The following STX8 variants were observed in gnomAD, a reference collection of about 807,000 sequenced individuals.
STX8 encodes the protein syntaxin 8.
Under a neutral mutation model 37.5 loss-of-function variants are expected in STX8, and 23 were observed. That is an observed-to-expected ratio of 0.61 (90% CI 0.44 to 0.87). The LOEUF (loss-of-function observed/expected upper bound fraction) is 0.87. Ranked by LOEUF, STX8 falls within the 40% of genes least tolerant of loss-of-function variation. STX8 has a pLI of 0.00. For missense variants in STX8, 313 were observed against 284.7 expected (o/e 1.10, Z -0.71); for synonymous variants, 115 against 99.1 (o/e 1.16, Z -0.95).
chr17:9,515,601 C>T (rs1289149170), intron 4 of STX8, among the ~76,000 whole-genome samples: 4 of 152,220 alleles, frequency 2.6e-5, no homozygotes, highest in Non-Finnish European at 5.9e-5. Context: ...TCTCTCACCA[C>T]ACCCTTGACC....
At chr17:9,457,916 G>T (rs535924671) in intron 6 of STX8, among the ~76,000 whole-genome samples, 2 of 152,180 alleles carry the variant, frequency 1.3e-5, no homozygotes, top group Non-Finnish European at 2.9e-5. Flanking sequence ...CACTGTGATT[G>T]GCATAGGATA....
At chr17:9,259,042 T>C (rs1350540987) in intron 7 of STX8, among the ~76,000 whole-genome samples, 2 of 142,022 alleles carry the variant, frequency 1.4e-5, no homozygotes, top group Non-Finnish European at 3.2e-5. Context: ...CCTCAGGCCA[T>C]AGAATCTCCA....
At chr17:9,431,098 C>T (rs1913950410) in intron 6 of STX8, among the ~76,000 whole-genome samples, 2 of 151,696 alleles carry the variant, frequency 1.3e-5, no homozygotes, top group East Asian at 3.9e-4. Flanking sequence ...CCTCGTGATC[C>T]ACCTGCCTTG....
chr17:9,457,771 C>T (rs4791838), intron 6 of STX8, among the ~76,000 whole-genome samples: 89,454 of 152,158 alleles, frequency 0.59, 27,424 homozygotes, highest in East Asian at 0.82. Flanking sequence ...AGGTGAGACA[C>T]CTCTTTCTGG....
At chr17:9,430,258 G>T (rs1284839541) in intron 6 of STX8, among the ~76,000 whole-genome samples, 1 of 127,228 alleles carries the variant, frequency 7.9e-6, no homozygotes, top group Non-Finnish European at 1.7e-5. Flanking sequence ...CCATTTTAAA[G>T]TATATAATTC....
chr17:9,349,381 C>T (rs1328952253), intron 7 of STX8, among the ~76,000 whole-genome samples: 5 of 135,094 alleles, frequency 3.7e-5, no homozygotes, highest in Admixed American at 8.3e-5. Context: ...AGTGCAGTGG[C>T]GCAATCTCGC....
intron 6 of STX8, among the ~76,000 whole-genome samples, chr17:9,407,689 G>A (rs1912848187): frequency 6.6e-6 from 1 of 152,004 alleles, no homozygotes; most frequent in Admixed American, 6.6e-5. Flanking sequence ...GGGTTGGAGG[G>A]GGCGGGACAG....
intron 7 of STX8, among the ~76,000 whole-genome samples, chr17:9,312,005 G>A (rs776267740): frequency 9.2e-5 from 14 of 151,582 alleles, no homozygotes; most frequent in Non-Finnish European, 1.6e-4. Context: ...CCGCCATTAT[G>A]CCCAGCTAAT....
rs142840481 is a variant in STX8 at position 9,355,672 on chromosome 17, G to A, written c.643+22880C>T. On this transcript the variant is annotated intron_variant, in intron 7 of 7. Coordinates refer to ENST00000306357, the MANE Select transcript of STX8 (RefSeq NM_004853.3). ...TTACAGGCGCGCTCCACCACTCCTG[G>A]CTAATTTTTGTATTTTTAGTAGAGA... 2.5e-3 allele frequency among the ~76,000 whole-genome samples: 382 copies of A among 152,068 alleles called. 2 individuals are homozygous for A. Among genetic ancestry groups the A allele is most frequent in the African/African-American group, 8.6e-3 (356 of 41,486 alleles).
At chr17:9,325,373 G>C (rs1909718965) in intron 7 of STX8, among the ~76,000 whole-genome samples, 1 of 152,106 alleles carries the variant, frequency 6.6e-6, no homozygotes, top group Non-Finnish European at 1.5e-5. Flanking sequence ...GGTATGTATA[G>C]TGTATGAATG....
chr17:9,291,425 G>A (rs1285417451), intron 7 of STX8, among the ~76,000 whole-genome samples: 1 of 145,940 alleles, frequency 6.9e-6, no homozygotes, highest in Non-Finnish European at 1.5e-5. Context: ...TGGGCGATGG[G>A]AGTGAGACTC....
chr17:9,382,967 G>A (rs1452625789), intron 6 of STX8, among the ~76,000 whole-genome samples: 1 of 152,172 alleles, frequency 6.6e-6, no homozygotes, highest in Non-Finnish European at 1.5e-5. Flanking sequence ...GGAGGTGAAT[G>A]GTGATGAGAG....
At chr17:9,421,350 C>G (rs1292261978) in intron 6 of STX8, among the ~76,000 whole-genome samples, 1 of 145,534 alleles carries the variant, frequency 6.9e-6, no homozygotes, top group Non-Finnish European at 1.5e-5. Context: ...CGGGATGGAG[C>G]CACTGCACTC....
intron 7 of STX8, among the ~76,000 whole-genome samples, chr17:9,360,227 C>CTTTTTTTTTTTTTTTTTT (rs58213453): frequency 4.1e-5 from 3 of 72,610 alleles, no homozygotes; most frequent in African/African-American, 1.6e-4. Context: ...AATTAACCGT[C>CTTTTTTTTTTTTTTTTTT]TTTTTTTTTT....
chr17:9,294,284 T>C (rs1229780397), intron 7 of STX8, among the ~76,000 whole-genome samples: 1 of 152,188 alleles, frequency 6.6e-6, no homozygotes, highest in East Asian at 1.9e-4. Context: ...CTGGAAGGCC[T>C]AATGGTGATA....
intron 6 of STX8, among the ~76,000 whole-genome samples, chr17:9,397,711 C>G (rs1444310708): frequency 2.6e-5 from 4 of 152,068 alleles, no homozygotes; most frequent in African/African-American, 7.2e-5. Context: ...CACGGTAGCT[C>G]ACACCTGTAA....
At chr17:9,557,371 TC>T in intron 3 of STX8, 62 bp downstream of exon 3, 4 of 1,461,756 alleles carry the variant, frequency 2.7e-6, no homozygotes, top group Non-Finnish European at 3.8e-6. Flanking sequence ...TTCCTTCCTT[TC>T]TTAAAATACG....
At chr17:9,548,007 G>C (rs1906616280) in intron 3 of STX8, among the ~76,000 whole-genome samples, 1 of 151,850 alleles carries the variant, frequency 6.6e-6, no homozygotes, top group Non-Finnish European at 1.5e-5. Context: ...TGGCCAGGCT[G>C]GTCTCAAACT....
Position 9,501,102 on chromosome 17 carries a change from G to C in STX8, c.448+3936C>G, listed in dbSNP as rs79227061. 3.3e-3 allele frequency among the ~76,000 whole-genome samples: 502 copies of C among 152,294 alleles called. 7 individuals carry two copies. Among genetic ancestry groups the C allele is most frequent in the African/African-American group, 0.012 (481 of 41,572 alleles). ...CAAAAACTAAAAGGCATTGCTGAGA[G>C]AATTTGAGACTCAATAGTGTTAAAA... On this transcript the variant is annotated intron_variant, in intron 5 of 7. Coordinates refer to ENST00000306357, the MANE Select transcript of STX8 (RefSeq NM_004853.3).
Sources: allele counts gnomAD v4.1 joint callset (sites outside exome capture counted in the v4.1 genomes callset), GRCh38; gene constraint gnomAD v4.1.1; transcripts MANE v1.5; gene names NCBI Gene and HGNC (gene_info 2026-07-23, HGNC 2026-07-21).